The following AFDN variants were observed in gnomAD, a reference collection of about 807,000 sequenced individuals.
AFDN encodes the protein afadin, adherens junction formation factor.
A neutral mutation model predicts 216.6 loss-of-function variants in AFDN; 68 were observed. The ratio of observed to expected loss-of-function variants is 0.31; its 90% CI spans 0.26 to 0.38. The LOEUF is 0.38. Ranked by LOEUF, AFDN falls within the 10% of genes least tolerant of loss-of-function variation. The probability of loss-of-function intolerance (pLI) is 1.00; values close to 1 mark genes in which losing one functional copy is unlikely to be tolerated. For missense variants in AFDN, 2,136 were observed against 2,342.0 expected (o/e 0.91, Z 1.82); for synonymous variants, 868 against 853.7 (o/e 1.02, Z -0.29).
intron 12 of AFDN, among the ~76,000 whole-genome samples, chr6:167,906,923 G>A (rs1272595712): frequency 2.6e-5 from 4 of 152,252 alleles, no homozygotes; most frequent in Non-Finnish European, 2.9e-5. Context: ...GCCTGCCTGT[G>A]TTTTAAAGGC....
intron 25 of AFDN, among the ~76,000 whole-genome samples, chr6:167,943,685 TCAACA>T (rs1794954006): frequency 6.6e-6 from 1 of 152,240 alleles, no homozygotes; most frequent in South Asian, 2.1e-4. Context: ...AGAAACATAC[TCAACA>T]CTTCTTTAAA....
chr6:167,916,102 A>C (rs1404329898), intron 19 of AFDN, among the ~76,000 whole-genome samples: 1 of 152,188 alleles, frequency 6.6e-6, no homozygotes, highest in Non-Finnish European at 1.5e-5. Context: ...GCTCTGAGGA[A>C]AGGATCTGTT....
At chr6:167,869,818 G>C (rs1784599893) in intron 2 of AFDN, among the ~76,000 whole-genome samples, 1 of 152,212 alleles carries the variant, frequency 6.6e-6, no homozygotes, top group Non-Finnish European at 1.5e-5. Flanking sequence ...TAAGAAAAGT[G>C]ATGGTAACTT....
At chr6:167,938,968 T>G (rs9346514) in intron 23 of AFDN, among the ~76,000 whole-genome samples, 64,609 of 151,962 alleles carry the variant, frequency 0.43, 14,488 homozygotes, top group East Asian at 0.8. Flanking sequence ...CTGTTTTCAT[T>G]TCTGATATCA....
intron 12 of AFDN, among the ~76,000 whole-genome samples, chr6:167,906,618 A>G (rs1789723913): frequency 6.6e-6 from 1 of 152,162 alleles, no homozygotes; most frequent in East Asian, 1.9e-4. Flanking sequence ...AGAATTGTAT[A>G]CTTTTTAGAA....
Position 167,951,042 on chromosome 6 carries a change from G to A in AFDN, c.3832-144G>A. The A allele has an allele frequency of 4.0e-6, 5 of 1,244,284 alleles. No homozygotes were observed. The highest frequency in any genetic ancestry group is 5.3e-6 in the Non-Finnish European group (5 of 938,608). The allele number at this position is 1,244,284 out of a possible 1,614,324, so 77.1% of individuals were successfully genotyped here. ...ATAAATGCACTGTTACTCCACATTA[G>A]CCAATGAGCCTTGTAGGGCAGTCTC... On this transcript the variant is annotated intron_variant, in intron 29 of 33. Transcript: ENST00000683244. The surrounding 1 kb of genome is among the most constrained non-coding windows in gnomAD (Gnocchi z 7.1).
rs1796051661 is a variant in AFDN at position 167,952,093 on chromosome 6, C to T, written c.4739C>T (p.Ser1580Leu). Residue 1580 changes from serine (S) to leucine (L), a missense_variant, in exon 30 of 34, where the codon TCG becomes TTG. Physicochemically the swap from Ser to Leu is moderately radical, Grantham distance 145. This residue lies in a region of AFDN where 981 missense variants were observed against 966.0 expected (regional missense o/e 1.02). Coordinates refer to ENST00000683244, the MANE Select transcript of AFDN (RefSeq NM_001386888.1). Reference protein sequence around the residue: ...EWQFQKRLQESKQKDEDDEEE... With the variant: ...EWQFQKRLQELKQKDEDDEEE... Reference sequence around the variant, plus strand: ...CAGTTCCAGAAGAGACTCCAGGAGTCGAAGCAGAAGGACGAAGATGACGAG... The same window carrying T: ...CAGTTCCAGAAGAGACTCCAGGAGTTGAAGCAGAAGGACGAAGATGACGAG... 2 of 1,614,004 alleles carry T rather than the reference C, an allele frequency of 1.2e-6. No homozygotes were observed. The highest frequency in any genetic ancestry group is 8.5e-7 in the Non-Finnish European group (1 of 1,179,994).
chr6:167,965,149 T>G (rs961752553), intron 31 of AFDN: 4 of 855,474 alleles, frequency 4.7e-6, no homozygotes, highest in Non-Finnish European at 2.8e-6. Context: ...GAATGAGTGT[T>G]TTTTTTTTTT....
chr6:167,843,182 A>C (rs141641393), intron 1 of AFDN, among the ~76,000 whole-genome samples: 1 of 152,154 alleles, frequency 6.6e-6, no homozygotes, highest in African/African-American at 2.4e-5. Context: ...CGTAAACTTG[A>C]TTGGTCTCTT....
At chr6:167,957,617 A>C (rs974287260) in intron 30 of AFDN, among the ~76,000 whole-genome samples, 6 of 152,152 alleles carry the variant, frequency 3.9e-5, no homozygotes, top group Non-Finnish European at 7.4e-5. Context: ...CTTTTCCTTT[A>C]TATCGCATGG....
intron 3 of AFDN, 29 bp from the exon 4 acceptor site, chr6:167,872,182 AGTC>A: frequency 6.3e-7 from 1 of 1,591,362 alleles, no homozygotes; most frequent in Non-Finnish European, 8.5e-7. Flanking sequence ...TCTGCATAGT[AGTC>A]AATATGGTGA....
At chr6:167,918,316 G>T (rs1213337826) in intron 20 of AFDN, among the ~76,000 whole-genome samples, 3 of 151,984 alleles carry the variant, frequency 2.0e-5, no homozygotes, top group Admixed American at 1.3e-4. Flanking sequence ...TTTGATTCCG[G>T]TCTTTTATAT....
chr6:167,930,025 G>A (rs564469475), intron 23 of AFDN, among the ~76,000 whole-genome samples: 17 of 152,046 alleles, frequency 1.1e-4, no homozygotes, highest in African/African-American at 3.4e-4. Flanking sequence ...GCAACAAGGT[G>A]AGACCCCATT....
Position 167,953,780 on chromosome 6 carries a change from G to A in AFDN, c.4833+1593G>A, listed in dbSNP as rs202149638. On this transcript the variant is annotated intron_variant, in intron 30 of 33. Coordinates refer to ENST00000683244, the MANE Select transcript of AFDN (RefSeq NM_001386888.1). Reference sequence around the variant, plus strand: ...ATGCTCCTCTGCTCTGGCCAGTGTCGCTCCTGGGTGCACTAAGATGGATTC... The same window carrying A: ...ATGCTCCTCTGCTCTGGCCAGTGTCACTCCTGGGTGCACTAAGATGGATTC... 6.6e-5 allele frequency among the ~76,000 whole-genome samples: 10 copies of A among 152,156 alleles called. No individual in the cohort carries two copies. The East Asian group carries it at 1.5e-3, about 23-fold the overall frequency.
At chr6:167,882,400 T>C (rs1460077114) in intron 6 of AFDN, among the ~76,000 whole-genome samples, 5 of 151,686 alleles carry the variant, frequency 3.3e-5, no homozygotes, top group African/African-American at 9.7e-5. Context: ...GCATGGTGGC[T>C]CACTCCTGTA....
At chr6:167,846,980 AG>A (rs1781770468) in intron 1 of AFDN, among the ~76,000 whole-genome samples, 1 of 76,448 alleles carries the variant, frequency 1.3e-5, no homozygotes, top group Non-Finnish European at 3.3e-5. Flanking sequence ...AAAAATAGTG[AG>A]GTATGTCTAT....
chr6:167,971,374 G>A lies in AFDN; in HGVS notation c.*1439G>A, dbSNP rs1223626032. 2.4e-5 allele frequency: 5 copies of A among 207,962 alleles called. No homozygotes were observed. Among genetic ancestry groups the A allele is most frequent in the East Asian group, 2.2e-4 (3 of 13,568 alleles). 12.9% of individuals were successfully genotyped at this position (207,962 alleles called of 1,614,324 possible). On this transcript the variant is annotated 3_prime_UTR_variant, in exon 34 of 34. Transcript: ENST00000683244. ...GGTATAGGGGCTTTTTACTGCCTTC[G>A]AAATCACTTTTAATAAAAGTTGTAT...
chr6:167,896,902 C>G lies in AFDN; in HGVS notation c.1247C>G (p.Pro416Arg). ...YEDGSDSRDKPKLYRLQLSVT... is the reference protein window; with the variant it reads ...YEDGSDSRDKRKLYRLQLSVT... ...GATGGTTCTGACTCTAGAGATAAGC[C>G]AAAGCTTTACCGCCTTCAGTTAAGT... Residue 416 changes from proline (P) to arginine (R), a missense_variant, in exon 10 of 34, where the codon CCA (proline) becomes CGA (arginine). Transcript: ENST00000683244. 1 of 1,613,470 alleles carries G rather than the reference C, an allele frequency of 6.2e-7. No individual in the cohort carries two copies. The highest frequency in any genetic ancestry group is 8.5e-7 in the Non-Finnish European group (1 of 1,179,538).
rs147017019 is a variant in AFDN, at chr6:167,884,961, G to A, written c.898-4254G>A. 1.1e-3 allele frequency among the ~76,000 whole-genome samples: 172 copies of A among 152,302 alleles called. 2 individuals carry two copies. Among genetic ancestry groups the A allele is most frequent in the African/African-American group, 4.1e-3 (171 of 41,572 alleles). On this transcript the variant is annotated intron_variant, in intron 6 of 33. Transcript: ENST00000683244. Reference sequence around the variant, plus strand: ...AGTGTAGTGACCATCAGTGGTCTTAGCTAGATCTTCTGGAGAACTTGCTGC... The same window carrying A: ...AGTGTAGTGACCATCAGTGGTCTTAACTAGATCTTCTGGAGAACTTGCTGC...
Sources: gnomAD v4.1 joint callset for allele counts (sites outside exome capture counted in the v4.1 genomes callset) on GRCh38, gnomAD v4.1.1 for gene constraint, gnomAD v4.1.1 regional missense constraint, Gnocchi (gnomAD v3.1) non-coding constraint, MANE v1.5 for transcripts, NCBI Gene and HGNC (gene_info 2026-07-23, HGNC 2026-07-21) for gene names.